WASF2: variants seen among roughly 807,000 people sequenced by gnomAD.
WASF2 encodes actin-binding protein WASF2.
A neutral mutation model predicts 45.0 loss-of-function variants in WASF2; 14 were observed. The observed-to-expected ratio is 0.31, with a 90% confidence interval of 0.21 to 0.49. The LOEUF is 0.49. Ranked by LOEUF, WASF2 falls within the 20% of genes least tolerant of loss-of-function variation. WASF2 has a pLI of 0.99. For synonymous variants in WASF2, 200 were observed against 236.3 expected (o/e 0.85, Z 1.41); for missense variants, 439 against 636.1 (o/e 0.69, Z 3.33).
chr1:27,444,494 T>C (rs2017287158), intron 1 of WASF2, among the ~76,000 whole-genome samples: 1 of 152,232 alleles, frequency 6.6e-6, no homozygotes, highest in African/African-American at 2.4e-5. Flanking sequence ...CTCGAAGGAA[T>C]GGCGAGTTTA....
At chr1:27,458,909 T>C (rs1268545236) in intron 1 of WASF2, among the ~76,000 whole-genome samples, 1 of 152,048 alleles carries the variant, frequency 6.6e-6, no homozygotes, top group Non-Finnish European at 1.5e-5. Context: ...GCGGATCACC[T>C]GAAGTCAGGA....
At chr1:27,471,490 T>C (rs2017688388) in intron 1 of WASF2, among the ~76,000 whole-genome samples, 4 of 152,008 alleles carry the variant, frequency 2.6e-5, no homozygotes, top group Admixed American at 2.6e-4. Flanking sequence ...TAGCTGGGCA[T>C]GGTGGTGTAC....
chr1:27,458,204 T>A (rs1405508124), intron 1 of WASF2, among the ~76,000 whole-genome samples: 1 of 150,722 alleles, frequency 6.6e-6, no homozygotes, highest in Non-Finnish European at 1.5e-5. Flanking sequence ...TCCCAGCTCC[T>A]TGGGAGGCTG....
rs1471755659 is a variant in WASF2 at position 27,414,017 on chromosome 1, G to T, written c.668+816C>A. Among the ~76,000 whole-genome samples, 1 of 152,150 alleles carries T rather than the reference G, an allele frequency of 6.6e-6. No homozygotes were observed. Among genetic ancestry groups the T allele is most frequent in the Non-Finnish European group, 1.5e-5 (1 of 68,020 alleles). ...ATGGTAGAGTTATTTCTAAAAGCAA[G>T]AACAACTCAACTCTTTCCTTTTATC... On this transcript the variant is annotated intron_variant, in intron 6 of 8. Coordinates refer to ENST00000618852, the MANE Select transcript of WASF2 (RefSeq NM_006990.5). This position sits in a 1 kb window ranked among gnomAD's most constrained non-coding sequence, Gnocchi z 4.1.
At position 27,408,145 on chromosome 1, in the gene WASF2, G is replaced by C; in HGVS notation, c.*44C>G. 6.3e-7 allele frequency: 1 copy of C among 1,594,578 alleles called. No homozygotes were observed. The highest frequency in any genetic ancestry group is 1.7e-4 in the Middle Eastern group (1 of 5,984). ...GTTGGGGTTGGCATCAAAGAAGGCA[G>C]GTAGGAAGGAAAGAAAAAGAAGGTG... On this transcript the variant is annotated 3_prime_UTR_variant, in exon 9 of 9. Coordinates refer to ENST00000618852, the MANE Select transcript of WASF2 (RefSeq NM_006990.5).
At chr1:27,429,631 GC>G (rs2017034061) in intron 1 of WASF2, among the ~76,000 whole-genome samples, 1 of 151,898 alleles carries the variant, frequency 6.6e-6, no homozygotes, top group African/African-American at 2.4e-5. Flanking sequence ...CAAAAAATTG[GC>G]CAGGCGTGTC....
At chr1:27,436,353 G>T (rs2017138058) in intron 1 of WASF2, among the ~76,000 whole-genome samples, 1 of 152,112 alleles carries the variant, frequency 6.6e-6, no homozygotes, top group Non-Finnish European at 1.5e-5. Context: ...GGCTCAGGCA[G>T]GAGGACTGAG....
intron 1 of WASF2, among the ~76,000 whole-genome samples, chr1:27,474,475 A>C (rs2017738034): frequency 6.6e-6 from 1 of 151,978 alleles, no homozygotes; most frequent in South Asian, 2.1e-4. Flanking sequence ...ATCTCCATAA[A>C]AAATAAAACA....
chr1:27,449,252 T>C (rs550367561), intron 1 of WASF2, among the ~76,000 whole-genome samples: 1 of 152,146 alleles, frequency 6.6e-6, no homozygotes, highest in East Asian at 1.9e-4. Context: ...CTATGAGTCA[T>C]CTCTAATCTT....
intron 1 of WASF2, among the ~76,000 whole-genome samples, chr1:27,472,511 A>T (rs1240876012): frequency 1.3e-5 from 2 of 151,352 alleles, no homozygotes; most frequent in Admixed American, 1.3e-4. Context: ...GCTAGCACCT[A>T]TAGTTCCAGC....
At chr1:27,438,343 T>C (rs780520966) in intron 1 of WASF2, among the ~76,000 whole-genome samples, 9 of 152,224 alleles carry the variant, frequency 5.9e-5, no homozygotes, top group Non-Finnish European at 1.0e-4. Context: ...ACTGGTGGAT[T>C]AGCTACAGTG....
intron 2 of WASF2, 107 bp downstream of exon 2, chr1:27,428,654 T>C: frequency 6.4e-7 from 1 of 1,567,064 alleles, no homozygotes; most frequent in South Asian, 1.1e-5. Flanking sequence ...TCGCATTACC[T>C]AGGGAAGGCA....
intron 4 of WASF2, 73 bp from the exon 5 acceptor site, chr1:27,416,175 C>T (rs2016823947): frequency 7.7e-7 from 1 of 1,304,760 alleles, no homozygotes; most frequent in Non-Finnish European, 1.1e-6. Context: ...ATTCCAAACA[C>T]CTACCAGTTA....
intron 1 of WASF2, among the ~76,000 whole-genome samples, chr1:27,444,025 C>T (rs1356742652): frequency 5.9e-5 from 9 of 152,178 alleles, no homozygotes; most frequent in Non-Finnish European, 1.0e-4. Context: ...GTGATCTGCC[C>T]GCCTCAGCCT....
rs1156684416 is a variant in WASF2, at chr1:27,404,806, G to A, written c.*3383C>T. The A allele has an allele frequency of 6.6e-6, 1 of 152,214 alleles. No individual in the cohort carries two copies. The highest frequency in any genetic ancestry group is 1.5e-5 in the Non-Finnish European group (1 of 68,040). The allele number at this position is 152,214 out of a possible 1,614,324, so 9.4% of individuals were successfully genotyped here. On this transcript the variant is annotated 3_prime_UTR_variant, in exon 9 of 9. Coordinates refer to ENST00000618852, the MANE Select transcript of WASF2 (RefSeq NM_006990.5). ...ACCCACACTGAGGCACAGTTAAAGG[G>A]AACATGGTAGGAGGCACAGAAGGAG... is the stretch of plus-strand genomic sequence containing the variant.
intron 1 of WASF2, among the ~76,000 whole-genome samples, chr1:27,463,704 T>C (rs1201305102): frequency 2.7e-5 from 4 of 149,818 alleles, no homozygotes; most frequent in Non-Finnish European, 3.0e-5. Context: ...TATAGTAAAA[T>C]GTCTGCAAAG....
At chr1:27,418,904 C>A in intron 3 of WASF2, 50 bp downstream of exon 3, 1 of 1,551,540 alleles carries the variant, frequency 6.4e-7, no homozygotes, top group Non-Finnish European at 8.7e-7. Flanking sequence ...AAAAAAAATT[C>A]TACAAAACTG....
chr1:27,451,131 C>A (rs2017378685), intron 1 of WASF2, among the ~76,000 whole-genome samples: 1 of 151,992 alleles, frequency 6.6e-6, no homozygotes, highest in African/African-American at 2.4e-5. Context: ...AACTTATATA[C>A]CAGGCACTGT....
chr1:27,420,633 T>C (rs1373680147), intron 2 of WASF2, among the ~76,000 whole-genome samples: 1 of 144,866 alleles, frequency 6.9e-6, no homozygotes, highest in African/African-American at 2.5e-5. Context: ...GTGATTCTCC[T>C]GCCTCAGCCT....
Sources: gnomAD v4.1 joint callset for allele counts (sites outside exome capture counted in the v4.1 genomes callset) on GRCh38, gnomAD v4.1.1 for gene constraint, Gnocchi (gnomAD v3.1) non-coding constraint, MANE v1.5 for transcripts, NCBI Gene and HGNC (gene_info 2026-07-23, HGNC 2026-07-21) for gene names.